RBM33: variants seen among roughly 807,000 people sequenced by gnomAD.
The protein encoded by RBM33 is RNA-binding protein 33.
RBM33 carries 28 observed loss-of-function variants against 132.6 expected under a neutral mutation model. The observed-to-expected ratio is 0.21, with a 90% CI of 0.16 to 0.29. RBM33 has a LOEUF of 0.29. Among genes scored for constraint, RBM33 ranks in the 10% least tolerant of loss-of-function variants. The pLI, the probability that RBM33 is intolerant of heterozygous loss-of-function variation, is 1.00. For missense variants in RBM33, 1,291 were observed against 1,518.5 expected (o/e 0.85, Z 2.49); for synonymous variants, 634 against 593.0 (o/e 1.07, Z -1.01).
rs146090360 is a variant in RBM33, at chr7:155,777,342, T to C, written c.*2301T>C. 9.8e-5 allele frequency: 15 copies of C among 152,382 alleles called. No individual in the cohort carries two copies. In the East Asian group the frequency reaches 2.7e-3, roughly 27 times the overall value. The allele number at this position is 152,382 out of a possible 1,614,324, so 9.4% of individuals were successfully genotyped here. The stretch of plus-strand genomic sequence containing the variant: ...TGTTCTTGAAAGGTGATTGGCAAAG[T>C]CATGCAGGCCCGCCTTAAAGCGCTG... On this transcript the variant is annotated 3_prime_UTR_variant, in exon 18 of 18. Transcript: ENST00000401878.
At chr7:155,693,070 T>G (rs907355817) in intron 5 of RBM33, among the ~76,000 whole-genome samples, 2 of 152,142 alleles carry the variant, frequency 1.3e-5, no homozygotes, top group African/African-American at 4.8e-5. Context: ...AATATGTGTG[T>G]GTAATTCTCA....
chr7:155,673,764 G>GCACACA (rs141072820), intron 3 of RBM33, among the ~76,000 whole-genome samples: 13 of 17,238 alleles, frequency 7.5e-4, no homozygotes, highest in South Asian at 3.4e-3. Flanking sequence ...ACGCGCGCAT[G>GCACACA]CGCGCACACA....
chr7:155,740,493 T>TA (rs909814553), intron 12 of RBM33, among the ~76,000 whole-genome samples: 1 of 152,238 alleles, frequency 6.6e-6, no homozygotes, highest in African/African-American at 2.4e-5. Flanking sequence ...GTCCTGGAAA[T>TA]ACAGCAGTGA....
In RBM33 at chr7:155,740,093, G is replaced by T; in HGVS notation, c.2049+67G>T. The T allele has an allele frequency of 4.8e-6, 7 of 1,447,228 alleles. No homozygotes were observed. The South Asian group carries it at 1.0e-4, about 22-fold the overall frequency. The allele number at this position is 1,447,228 out of a possible 1,614,324, so 89.6% of individuals were successfully genotyped here. A position where few individuals can be genotyped will look rare whatever the true frequency, so the allele number is the denominator to read the frequency against. On this transcript the variant is annotated intron_variant, in intron 12 of 17. Coordinates refer to ENST00000401878, the MANE Select transcript of RBM33 (RefSeq NM_053043.3). ...CCTTTTAACTTACAGGACTTGAGGG[G>T]CATAATATGTAGGTTAGAATATTTT...
chr7:155,675,483 T>A (rs946247403), intron 3 of RBM33, among the ~76,000 whole-genome samples: 2 of 152,132 alleles, frequency 1.3e-5, no homozygotes, highest in Non-Finnish European at 2.9e-5. Flanking sequence ...TGAGGTTGTT[T>A]CCAGCTCATT....
intron 5 of RBM33, among the ~76,000 whole-genome samples, chr7:155,694,151 A>T (rs1049680643): frequency 1.3e-5 from 2 of 152,192 alleles, no homozygotes; most frequent in African/African-American, 2.4e-5. Flanking sequence ...TAATTATAGA[A>T]CTTAAAAGCA....
intron 9 of RBM33, among the ~76,000 whole-genome samples, chr7:155,726,768 A>G (rs1056091364): frequency 1.3e-5 from 2 of 152,234 alleles, no homozygotes; most frequent in Non-Finnish European, 2.9e-5. Context: ...TGGAACCATG[A>G]TTTATATGGC....
intron 9 of RBM33, among the ~76,000 whole-genome samples, chr7:155,722,705 C>CT (rs1231140621): frequency 2.0e-5 from 3 of 152,054 alleles, no homozygotes; most frequent in African/African-American, 7.2e-5. Flanking sequence ...TGTTTTGAGA[C>CT]TTTTGTGAAT....
At chr7:155,657,438 A>C (rs1316379341) in intron 1 of RBM33, among the ~76,000 whole-genome samples, 1 of 152,238 alleles carries the variant, frequency 6.6e-6, no homozygotes, top group East Asian at 1.9e-4. Context: ...CAAGGTTATA[A>C]TACTTGTTAT....
chr7:155,734,016 C>T (rs1801035179), intron 9 of RBM33, among the ~76,000 whole-genome samples: 1 of 152,220 alleles, frequency 6.6e-6, no homozygotes. Flanking sequence ...AGCTGTTCCT[C>T]GGGGCTCCTT....
chr7:155,737,040 G>A (rs1801146145), intron 9 of RBM33, among the ~76,000 whole-genome samples: 1 of 152,206 alleles, frequency 6.6e-6, no homozygotes, highest in African/African-American at 2.4e-5. Context: ...TGCATAGACA[G>A]CAGTGTTTCC....
chr7:155,711,646 C>T (rs1158270042), intron 8 of RBM33, among the ~76,000 whole-genome samples, 191 bp downstream of exon 8: 1 of 152,154 alleles, frequency 6.6e-6, no homozygotes, highest in African/African-American at 2.4e-5. Flanking sequence ...AAAACTCCCT[C>T]GAAGCTGGGC....
intron 16 of RBM33, among the ~76,000 whole-genome samples, chr7:155,767,900 C>A (rs533630007): frequency 5.3e-5 from 8 of 152,206 alleles, no homozygotes; most frequent in Non-Finnish European, 1.0e-4. Flanking sequence ...ATGTGGTTAT[C>A]CTAATCTGAG....
chr7:155,684,451 T>G (rs1799417551), intron 5 of RBM33, among the ~76,000 whole-genome samples: 1 of 152,206 alleles, frequency 6.6e-6, no homozygotes, highest in Non-Finnish European at 1.5e-5. Context: ...CCTGGAATCT[T>G]TCTCTCATTT....
intron 5 of RBM33, among the ~76,000 whole-genome samples, chr7:155,694,835 G>GTTA (rs1253366532): frequency 6.6e-6 from 1 of 151,912 alleles, no homozygotes; most frequent in Non-Finnish European, 1.5e-5. Context: ...CAGTTTTTTT[G>GTTA]TTATTATGAA....
chr7:155,657,691 C>T (rs1798529678), intron 1 of RBM33, among the ~76,000 whole-genome samples: 1 of 152,172 alleles, frequency 6.6e-6, no homozygotes. Context: ...AATTAATTAG[C>T]AATGTCTGCC....
intron 7 of RBM33, chr7:155,707,327 A>G: frequency 1.7e-6 from 1 of 594,684 alleles, no homozygotes; most frequent in Non-Finnish European, 3.2e-6. Context: ...GAGCGACCTG[A>G]TGCCCTAAGA....
At chr7:155,719,996 T>A (rs1280380575) in intron 9 of RBM33, among the ~76,000 whole-genome samples, 1 of 152,232 alleles carries the variant, frequency 6.6e-6, no homozygotes, top group Non-Finnish European at 1.5e-5. Flanking sequence ...AACCTTAGAA[T>A]ACTTTGCCGC....
At chr7:155,679,505 A>ACG (rs1201295750) in intron 4 of RBM33, among the ~76,000 whole-genome samples, 2 of 83,596 alleles carry the variant, frequency 2.4e-5, no homozygotes, top group African/African-American at 7.5e-5. Context: ...GAGGAGAGAC[A>ACG]CACTGGTAGG....
Sources: gnomAD v4.1 joint callset for allele counts (sites outside exome capture counted in the v4.1 genomes callset) on GRCh38, gnomAD v4.1.1 for gene constraint, MANE v1.5 for transcripts, NCBI Gene and HGNC (gene_info 2026-07-23, HGNC 2026-07-21) for gene names.